Variants in RER1 observed in about 807,000 individuals in gnomAD.
The protein encoded by RER1 is retention in endoplasmic reticulum sorting receptor 1.
RER1 carries 6 observed loss-of-function variants against 28.3 expected under a neutral mutation model. The ratio of observed to expected loss-of-function variants is 0.21; its 90% confidence interval spans 0.12 to 0.42. The LOEUF is 0.42. RER1 is among the 10% of genes least tolerant of loss of function. The pLI is 1.00. For synonymous variants in RER1, 110 were observed against 95.9 expected (o/e 1.15, Z -0.86); for missense variants, 159 against 252.9 (o/e 0.63, Z 2.52).
At position 2,402,337 on chromosome 1, in the gene RER1, A is replaced by G. The variant is rs1234931085; in HGVS notation, c.496A>G (p.Ile166Val). Residue 166 changes from isoleucine to valine, a missense_variant, in exon 6 of 7, where the codon ATC (isoleucine) becomes GTC (valine). Coordinates refer to ENST00000605895, the MANE Select transcript of RER1 (RefSeq NM_007033.5). ...CTTCTGTATCACGATGAAGAGGCAAATCAAGGTAAAGCAGAGGCGCTGCCG... is the reference window on the plus strand; with the variant it reads ...CTTCTGTATCACGATGAAGAGGCAAGTCAAGGTAAAGCAGAGGCGCTGCCG... ...MLFCITMKRQ[I>V]KHMIKYRYIP... The G allele has an allele frequency of 6.2e-7, 1 of 1,614,186 alleles. No homozygotes were observed. Among genetic ancestry groups the G allele is most frequent in the Non-Finnish European group, 8.5e-7 (1 of 1,180,030 alleles).
intron 4 of RER1, 44 bp downstream of exon 4, chr1:2,399,558 C>A (rs1291547139): frequency 8.1e-7 from 1 of 1,227,750 alleles, no homozygotes; most frequent in Non-Finnish European, 1.2e-6. Context: ...CAGGTTGGGC[C>A]TTTCTTTTCT....
chr1:2,395,480 C>G (rs995449828), intron 1 of RER1: 17 of 381,536 alleles, frequency 4.5e-5, no homozygotes, highest in Non-Finnish European at 6.5e-5. Flanking sequence ...CCATGGCCAG[C>G]AAGGCTGCTC....
chr1:2,402,674 TA>T (rs1446419594), intron 6 of RER1, among the ~76,000 whole-genome samples: 4 of 152,162 alleles, frequency 2.6e-5, no homozygotes, highest in Non-Finnish European at 4.4e-5. Context: ...AGGAGGGTGT[TA>T]GGGGGAAGTT....
At chr1:2,399,745 A>G (rs1642817936) in intron 4 of RER1, among the ~76,000 whole-genome samples, 1 of 152,224 alleles carries the variant, frequency 6.6e-6, no homozygotes, top group South Asian at 2.1e-4. Context: ...AAACTGAGGC[A>G]TACAGGGTTA....
rs115195225 is a variant in RER1, at chr1:2,399,248, C to T, written c.187-167C>T. 7.9e-3 allele frequency among the ~76,000 whole-genome samples: 1,205 copies of T among 152,286 alleles called. 17 individuals are homozygous for T. The highest frequency in any genetic ancestry group is 0.028 in the African/African-American group (1,146 of 41,526). On this transcript the variant is annotated intron_variant, in intron 3 of 6. Transcript: ENST00000605895. ...GAGTATAATTTGAGATAAATTGTTACCATGGGATTTCACTGTATTTCCTTG... is the reference window on the plus strand; with the variant it reads ...GAGTATAATTTGAGATAAATTGTTATCATGGGATTTCACTGTATTTCCTTG...
intron 6 of RER1, 125 bp from the exon 7 acceptor site, chr1:2,402,910 G>T (rs1189019099): frequency 1.3e-6 from 1 of 748,924 alleles, no homozygotes; most frequent in Non-Finnish European, 2.3e-6. Flanking sequence ...GAAGCCACTG[G>T]GGCTCCGATT....
chr1:2,395,979 T>A, intron 2 of RER1, 108 bp downstream of exon 2: 2 of 868,596 alleles, frequency 2.3e-6, no homozygotes, highest in Non-Finnish European at 1.9e-6. Flanking sequence ...AGAAGTTACT[T>A]CGCCTCAGGC....
rs540617025 is a variant in RER1 at position 2,402,961 on chromosome 1, C to T, written c.502-74C>T. On this transcript the variant is annotated intron_variant, in intron 6 of 6. Coordinates refer to ENST00000605895, the MANE Select transcript of RER1 (RefSeq NM_007033.5). ...ATAGAAAAGATGGGGGACCTTTGGC[C>T]GCTCAGATTTGGGGACAGTGTGACT... 380 of 1,272,094 alleles carry T rather than the reference C, an allele frequency of 3.0e-4. 2 individuals are homozygous for T. The highest frequency in any genetic ancestry group is 3.8e-5 in the Admixed American group (2 of 51,960). The allele number at this position is 1,272,094 out of a possible 1,614,324, so 78.8% of individuals were successfully genotyped here. A position where few individuals can be genotyped will look rare whatever the true frequency, so the allele number is the denominator to read the frequency against.
At chr1:2,401,547 G>T (rs985318657) in intron 5 of RER1, among the ~76,000 whole-genome samples, 1 of 150,416 alleles carries the variant, frequency 6.6e-6, no homozygotes, top group Non-Finnish European at 1.5e-5. Flanking sequence ...AGAGGTGGGT[G>T]GTGCAGCCGT....
rs1291827691 is a variant in RER1, at chr1:2,391,853, C to T, written c.-113C>T. The T allele has an allele frequency of 6.3e-6, 2 of 319,020 alleles. No homozygotes were observed. Among genetic ancestry groups the T allele is most frequent in the Non-Finnish European group, 1.1e-5 (2 of 178,024 alleles). The allele number at this position is 319,020 out of a possible 1,614,324, so 19.8% of individuals were successfully genotyped here. On this transcript the variant is annotated 5_prime_UTR_variant, in exon 1 of 7. Coordinates refer to ENST00000605895, the MANE Select transcript of RER1 (RefSeq NM_007033.5). ...GAGGACGGAGCGGAAGTGCTCGCTGCAGCTTCCCGGAGCCGGAGCGCAGCG... is the reference window on the plus strand; with the variant it reads ...GAGGACGGAGCGGAAGTGCTCGCTGTAGCTTCCCGGAGCCGGAGCGCAGCG...
chr1:2,401,053 G>A (rs1297836052), intron 5 of RER1, 118 bp downstream of exon 5: 17 of 853,342 alleles, frequency 2.0e-5, no homozygotes, highest in Admixed American at 1.2e-4. Context: ...GGCTGGGCAC[G>A]GGGAATCGCA....
chr1:2,392,757 G>T (rs1414145557), intron 1 of RER1, among the ~76,000 whole-genome samples: 3 of 152,224 alleles, frequency 2.0e-5, no homozygotes, highest in Non-Finnish European at 4.4e-5. Context: ...ACTCTCACAT[G>T]GCTTCTGCCG....
In RER1 at chr1:2,391,946, G is replaced by T; in HGVS notation, c.-20G>T. On this transcript the variant is annotated 5_prime_UTR_variant, in exon 1 of 7. Transcript: ENST00000605895. ...TGAGGGAGACCGCGGCTCGGCCGTAGCGGAGCTGCGAGGTGCCAGGAAGGG... is the reference window on the plus strand; with the variant it reads ...TGAGGGAGACCGCGGCTCGGCCGTATCGGAGCTGCGAGGTGCCAGGAAGGG... 5.8e-6 allele frequency: 1 copy of T among 171,364 alleles called. No homozygotes were observed. Among genetic ancestry groups the T allele is most frequent in the Non-Finnish European group, 1.2e-5 (1 of 80,966 alleles). 10.6% of individuals were successfully genotyped at this position (171,364 alleles called of 1,614,324 possible).
intron 6 of RER1, among the ~76,000 whole-genome samples, chr1:2,402,545 G>A (rs1255526612): frequency 6.6e-6 from 1 of 152,170 alleles, no homozygotes; most frequent in Non-Finnish European, 1.5e-5. Context: ...GCGCAGCTGT[G>A]GGAGCGGGCG....
intron 6 of RER1, among the ~76,000 whole-genome samples, 175 bp downstream of exon 6, chr1:2,402,517 C>A (rs912578881): frequency 1.3e-5 from 2 of 152,144 alleles, no homozygotes; most frequent in East Asian, 1.9e-4. Flanking sequence ...CCAGCACGGC[C>A]GGCTAACTAA....
At chr1:2,398,218 G>A (rs956196696) in intron 3 of RER1, among the ~76,000 whole-genome samples, 4 of 151,514 alleles carry the variant, frequency 2.6e-5, no homozygotes, top group Non-Finnish European at 4.4e-5. Flanking sequence ...CACATCCGGC[G>A]TTCAGCCGAG....
rs1642911007 is a variant in RER1 at position 2,403,735 on chromosome 1, T to C, written c.*611T>C. The C allele has an allele frequency of 6.6e-6, 1 of 152,618 alleles. No homozygotes were observed. Among genetic ancestry groups the C allele is most frequent in the Non-Finnish European group, 1.5e-5 (1 of 68,048 alleles). The allele number at this position is 152,618 out of a possible 1,614,324, so 9.5% of individuals were successfully genotyped here. A position where few individuals can be genotyped will look rare whatever the true frequency, so the allele number is the denominator to read the frequency against. On this transcript the variant is annotated 3_prime_UTR_variant, in exon 7 of 7. Transcript: ENST00000605895. Reference sequence around the variant, plus strand: ...GCTTTTGAGGGCCCGGAATTATAAATATATATTATATTTTAATTGTTTGAG... The same window carrying C: ...GCTTTTGAGGGCCCGGAATTATAAACATATATTATATTTTAATTGTTTGAG...
At position 2,393,748 on chromosome 1, in the gene RER1, C is replaced by G. The variant is rs145027751; in HGVS notation, c.-8+1790C>G. 9.3e-4 allele frequency among the ~76,000 whole-genome samples: 142 copies of G among 152,346 alleles called. 2 individuals are homozygous for G. In the East Asian group the frequency reaches 0.02, roughly 22 times the overall value. On this transcript the variant is annotated intron_variant, in intron 1 of 6. Coordinates refer to ENST00000605895, the MANE Select transcript of RER1 (RefSeq NM_007033.5). ...GGAGTCCAAAGTTCACGTTCTTGCT[C>G]CTGCCGCCCTGCCTCAGGCTATTCC...
At chr1:2,398,507 G>A (rs1642800737) in intron 3 of RER1, among the ~76,000 whole-genome samples, 1 of 152,182 alleles carries the variant, frequency 6.6e-6, no homozygotes, top group South Asian at 2.1e-4. Flanking sequence ...TCTTACTTCA[G>A]CTTCCCGAGC....
Sources: gnomAD v4.1 joint callset for allele counts (sites outside exome capture counted in the v4.1 genomes callset) on GRCh38, gnomAD v4.1.1 for gene constraint, MANE v1.5 for transcripts, NCBI Gene and HGNC (gene_info 2026-07-23, HGNC 2026-07-21) for gene names.